The following SYT1 variants were observed in gnomAD, a reference collection of about 807,000 sequenced individuals.
SYT1 encodes the protein synaptotagmin 1.
Under a neutral mutation model 44.8 loss-of-function variants are expected in SYT1, and 8 were observed. The ratio of observed to expected loss-of-function variants is 0.18; its 90% CI spans 0.10 to 0.32. The LOEUF (loss-of-function observed/expected upper bound fraction) is 0.32, where lower values mean the gene tolerates loss of function less well. SYT1 is among the 10% of genes least tolerant of loss of function. SYT1 has a pLI of 1.00. For missense variants in SYT1, 286 were observed against 509.3 expected (o/e 0.56, Z 4.22); for synonymous variants, 154 against 188.8 (o/e 0.82, Z 1.51).
rs2138196584 is a variant in SYT1, at chr12:79,136,307, A to G, written c.-17-81196A>G. 2.6e-5 allele frequency among the ~76,000 whole-genome samples: 4 copies of G among 152,280 alleles called. 1 individual carries two copies. Among genetic ancestry groups the G allele is most frequent in the Admixed American group, 2.6e-4 (4 of 15,284 alleles). ...ATGAGGTTGATAATTTAGTTATCCC[A>G]TTTTTATAAAGAAGGGAAAAATAAT... On this transcript the variant is annotated intron_variant, in intron 3 of 10. Transcript: ENST00000261205.
At chr12:79,100,345 C>CA (rs1878375740) in intron 3 of SYT1, among the ~76,000 whole-genome samples, 1 of 152,086 alleles carries the variant, frequency 6.6e-6, no homozygotes, top group Non-Finnish European at 1.5e-5. Flanking sequence ...TCTTAACCAC[C>CA]AGGTCATACT....
rs1526965 is a variant in SYT1, at chr12:79,235,738, A to T, written c.166+18053A>T. Among the ~76,000 whole-genome samples, 6 of 151,630 alleles carry T rather than the reference A, an allele frequency of 4.0e-5. No individual in the cohort carries two copies. The East Asian group carries it at 1.2e-3, about 29-fold the overall frequency. ...TACAAATATGAGCAAAATATTTTTA[A>T]TAGACACTAAATCAAAGAAGATATG... On this transcript the variant is annotated intron_variant, in intron 4 of 10. Transcript: ENST00000261205.
At chr12:78,907,077 T>A (rs1168787369) in intron 1 of SYT1, among the ~76,000 whole-genome samples, 2 of 152,066 alleles carry the variant, frequency 1.3e-5, no homozygotes, top group African/African-American at 4.8e-5. Flanking sequence ...TTTATTGAGG[T>A]CCTCCTCTTG....
At chr12:79,295,373 AAAT>A (rs1879831602) in intron 6 of SYT1, among the ~76,000 whole-genome samples, 1 of 152,188 alleles carries the variant, frequency 6.6e-6, no homozygotes, top group African/African-American at 2.4e-5. Flanking sequence ...TGTTTGGAAA[AAAT>A]AAAAAACACA....
At chr12:79,385,350 T>C (rs1221440972) in intron 9 of SYT1, among the ~76,000 whole-genome samples, 1 of 152,198 alleles carries the variant, frequency 6.6e-6, no homozygotes, top group African/African-American at 2.4e-5. Context: ...TTCCAAACTC[T>C]ACATAGATAA....
chr12:79,366,729 G>C (rs1378656662), intron 9 of SYT1, among the ~76,000 whole-genome samples: 2 of 152,140 alleles, frequency 1.3e-5, no homozygotes, highest in African/African-American at 4.8e-5. Context: ...CCATATTGTT[G>C]AATAAACAAA....
chr12:79,033,032 G>T (rs1184624396), intron 2 of SYT1, among the ~76,000 whole-genome samples: 1 of 151,238 alleles, frequency 6.6e-6, no homozygotes, highest in Non-Finnish European at 1.5e-5. Context: ...GTACCTCCCA[G>T]GAAATTTGCC....
At chr12:78,865,487 G>A (rs1187583485) in intron 1 of SYT1, among the ~76,000 whole-genome samples, 5 of 151,846 alleles carry the variant, frequency 3.3e-5, no homozygotes. Context: ...TCTCCTCCTG[G>A]AGAGGATTGC....
At chr12:79,336,270 A>G (rs928094569) in intron 8 of SYT1, among the ~76,000 whole-genome samples, 1 of 152,156 alleles carries the variant, frequency 6.6e-6, no homozygotes, top group Non-Finnish European at 1.5e-5. Flanking sequence ...CTCATCCATT[A>G]TGAAGTAAGT....
In SYT1 at chr12:78,887,491, C is replaced by T. The variant is rs76744378; in HGVS notation, c.-217+22382C>T. 8.6e-3 allele frequency among the ~76,000 whole-genome samples: 1,303 copies of T among 151,806 alleles called. 23 individuals carry two copies. Among genetic ancestry groups the T allele is most frequent in the African/African-American group, 0.03 (1,259 of 41,442 alleles). On this transcript the variant is annotated intron_variant, in intron 1 of 10. Transcript: ENST00000261205. ...AATCATATGCTGAGATCATTAACAG[C>T]GATAGTAAGAATAAATCTATTCATG...
intron 3 of SYT1, among the ~76,000 whole-genome samples, chr12:79,194,323 C>A (rs1873312079): frequency 6.6e-6 from 1 of 151,874 alleles, no homozygotes; most frequent in African/African-American, 2.4e-5. Context: ...ATTGGTGTCA[C>A]CTATGTTTAA....
chr12:79,252,260 A>G (rs971552043), intron 4 of SYT1, among the ~76,000 whole-genome samples: 3 of 152,188 alleles, frequency 2.0e-5, no homozygotes, highest in African/African-American at 7.2e-5. Context: ...TATTAAATGC[A>G]TTAATATTAA....
At chr12:78,986,579 G>A (rs1016690277) in intron 2 of SYT1, among the ~76,000 whole-genome samples, 19 of 151,814 alleles carry the variant, frequency 1.3e-4, no homozygotes, top group Non-Finnish European at 2.8e-4. Flanking sequence ...TCTAATGCTA[G>A]CAGTTCTTGT....
chr12:78,964,480 T>G (rs1404939637), intron 1 of SYT1, among the ~76,000 whole-genome samples: 1 of 152,176 alleles, frequency 6.6e-6, no homozygotes, highest in Non-Finnish European at 1.5e-5. Context: ...CTCTTTAGAA[T>G]TTTGGACGAT....
intron 1 of SYT1, among the ~76,000 whole-genome samples, chr12:78,951,727 C>T (rs1163525469): frequency 1.3e-5 from 2 of 152,114 alleles, no homozygotes; most frequent in Admixed American, 1.3e-4. Context: ...GTCAACCTAC[C>T]AGTGAGCATG....
chr12:79,109,265 A>G (rs1356412320), intron 3 of SYT1, among the ~76,000 whole-genome samples: 3 of 152,298 alleles, frequency 2.0e-5, no homozygotes, highest in Admixed American at 6.5e-5. Flanking sequence ...TAATAGTCAA[A>G]ATATTGAACT....
intron 3 of SYT1, among the ~76,000 whole-genome samples, chr12:79,098,522 A>G (rs1878276205): frequency 6.6e-6 from 1 of 152,286 alleles, no homozygotes; most frequent in South Asian, 2.1e-4. Flanking sequence ...AGGGTATACT[A>G]GAATTTCAAG....
At chr12:79,033,048 T>C (rs939084805) in intron 2 of SYT1, among the ~76,000 whole-genome samples, 1 of 151,386 alleles carries the variant, frequency 6.6e-6, no homozygotes, top group Non-Finnish European at 1.5e-5. Flanking sequence ...TTGCCTGTTC[T>C]AAGGAATTAA....
chr12:79,125,363 C>T (rs1163838802), intron 3 of SYT1, among the ~76,000 whole-genome samples: 1 of 150,262 alleles, frequency 6.7e-6, no homozygotes, highest in Admixed American at 6.7e-5. Context: ...ATAATCCCAG[C>T]AATTTGAGAG....
Sources: allele counts gnomAD v4.1 joint callset (sites outside exome capture counted in the v4.1 genomes callset), GRCh38; gene constraint gnomAD v4.1.1; transcripts MANE v1.5; gene names NCBI Gene and HGNC (gene_info 2026-07-23, HGNC 2026-07-21).